Variants in MAPK10 observed in about 807,000 individuals in gnomAD.
The protein encoded by MAPK10 is JNK3 alpha protein kinase.
MAPK10 carries 25 observed loss-of-function variants against 59.3 expected under a neutral mutation model. The ratio of observed to expected loss-of-function variants is 0.42; its 90% confidence interval spans 0.31 to 0.59. MAPK10 has a LOEUF of 0.59. Among genes scored for constraint, MAPK10 ranks in the 20% least tolerant of loss-of-function variants. The pLI is 0.15. For synonymous variants in MAPK10, 190 were observed against 200.5 expected (o/e 0.95, Z 0.44); for missense variants, 351 against 568.9 (o/e 0.62, Z 3.90).
At chr4:86,248,017 T>C (rs1274601026) in intron 2 of MAPK10, among the ~76,000 whole-genome samples, 1 of 152,212 alleles carries the variant, frequency 6.6e-6, no homozygotes, top group African/African-American at 2.4e-5. Flanking sequence ...TCAGCCAACA[T>C]GATCTCTGTA....
At chr4:86,098,846 TGC>T in intron 8 of MAPK10, 1 of 377,898 alleles carries the variant, frequency 2.6e-6, no homozygotes, top group South Asian at 4.8e-5. Context: ...CTCTCAGCAG[TGC>T]CACAAAGTGG....
intron 9 of MAPK10, among the ~76,000 whole-genome samples, chr4:86,096,279 T>A: frequency 6.6e-6 from 1 of 151,760 alleles, no homozygotes; most frequent in East Asian, 1.9e-4. Flanking sequence ...CAAACTAGGA[T>A]TAAAAAAGGT....
At chr4:86,436,716 G>A (rs1579214137) in intron 1 of MAPK10, among the ~76,000 whole-genome samples, 2 of 152,144 alleles carry the variant, frequency 1.3e-5, no homozygotes. Flanking sequence ...ATATAATATT[G>A]ACTGTTGTAT....
intron 9 of MAPK10, 124 bp downstream of exon 9, chr4:86,098,400 T>C: frequency 1.4e-6 from 2 of 1,414,008 alleles, no homozygotes; most frequent in Non-Finnish European, 1.9e-6. Context: ...ATCACTTTTT[T>C]ATTACAATAA....
chr4:86,588,954 A>G (rs1480785699), intron 1 of MAPK10, among the ~76,000 whole-genome samples: 1 of 152,112 alleles, frequency 6.6e-6, no homozygotes, highest in Non-Finnish European at 1.5e-5. Context: ...TAGATCCTAG[A>G]ACATACAGGA....
intron 1 of MAPK10, among the ~76,000 whole-genome samples, chr4:86,409,178 T>C (rs1026317417): frequency 3.3e-5 from 5 of 152,212 alleles, no homozygotes; most frequent in East Asian, 1.9e-4. Flanking sequence ...CCATGGCTTG[T>C]TTTTGTCAGA....
intron 1 of MAPK10, among the ~76,000 whole-genome samples, chr4:86,547,219 G>A (rs367785762): frequency 1.7e-4 from 26 of 152,324 alleles, no homozygotes; most frequent in Non-Finnish European, 3.1e-4. Context: ...CCACTTTGGC[G>A]GCACCTGAGG....
chr4:86,350,708 G>C (rs558274072), intron 2 of MAPK10, among the ~76,000 whole-genome samples: 1 of 152,234 alleles, frequency 6.6e-6, no homozygotes, highest in South Asian at 2.1e-4. Context: ...AGAGTATATT[G>C]AAAATTCTTT....
Position 86,419,765 on chromosome 4 carries a change from C to A in MAPK10, c.-122+33265G>T, listed in dbSNP as rs529724399. 7.2e-5 allele frequency among the ~76,000 whole-genome samples: 11 copies of A among 152,142 alleles called. No homozygotes were observed. The South Asian group carries it at 2.3e-3, about 32-fold the overall frequency. ...TTTCTGGTCTATTTTCTCTTATATT[C>A]CCTCCTAGGAATCTTTCTTATTCAG... On this transcript the variant is annotated intron_variant, in intron 1 of 13. Transcript: ENST00000361569.
intron 4 of MAPK10, among the ~76,000 whole-genome samples, chr4:86,135,867 C>A (rs1275363261): frequency 1.3e-5 from 2 of 152,078 alleles, no homozygotes; most frequent in Non-Finnish European, 2.9e-5. Flanking sequence ...AAAACCAAGG[C>A]TCGAGAACTA....
chr4:86,124,984 C>T (rs1340813709), intron 4 of MAPK10: 1 of 151,868 alleles, frequency 6.6e-6, no homozygotes. Context: ...GGGGGGAAAG[C>T]TCAGTGTCTG....
At chr4:86,218,497 A>T (rs1165262183) in intron 2 of MAPK10, among the ~76,000 whole-genome samples, 2 of 150,496 alleles carry the variant, frequency 1.3e-5, no homozygotes, top group African/African-American at 4.9e-5. Flanking sequence ...TCAACATTTT[A>T]AATTTTTGTA....
At chr4:86,572,400 G>A (rs1322733359) in intron 1 of MAPK10, among the ~76,000 whole-genome samples, 1 of 152,124 alleles carries the variant, frequency 6.6e-6, no homozygotes, top group Non-Finnish European at 1.5e-5. Flanking sequence ...CAGTATTTAT[G>A]TTTACTCAGA....
At chr4:86,141,658 T>C (rs1375578453) in intron 4 of MAPK10, among the ~76,000 whole-genome samples, 1 of 152,226 alleles carries the variant, frequency 6.6e-6, no homozygotes, top group Non-Finnish European at 1.5e-5. Context: ...GTAGAATTTA[T>C]TGATAGAGAA....
chr4:86,037,515 G>A (rs1195356402), intron 11 of MAPK10, among the ~76,000 whole-genome samples: 4 of 148,552 alleles, frequency 2.7e-5, no homozygotes, highest in Admixed American at 6.7e-5. Context: ...GCGAGACTCC[G>A]TCTAAAAAAA....
At chr4:86,304,165 G>A (rs1385077547) in intron 2 of MAPK10, among the ~76,000 whole-genome samples, 2 of 152,076 alleles carry the variant, frequency 1.3e-5, no homozygotes, top group African/African-American at 2.4e-5. Flanking sequence ...ATAAAGTCAC[G>A]GAAAGAAGTT....
chr4:86,206,152 G>A (rs1156450708), intron 2 of MAPK10, among the ~76,000 whole-genome samples: 3 of 151,598 alleles, frequency 2.0e-5, no homozygotes, highest in East Asian at 1.9e-4. Context: ...CCATTAACTC[G>A]TCATTTAGCA....
At chr4:86,499,508 G>A (rs540312416) in intron 1 of MAPK10, among the ~76,000 whole-genome samples, 6 of 152,246 alleles carry the variant, frequency 3.9e-5, no homozygotes, top group Admixed American at 2.6e-4. Context: ...TCCAGGTCAC[G>A]AAACACACTG....
chr4:86,586,586 A>T (rs1762667892), intron 1 of MAPK10, among the ~76,000 whole-genome samples: 1 of 152,252 alleles, frequency 6.6e-6, no homozygotes, highest in South Asian at 2.1e-4. Context: ...AATTTTAACT[A>T]TGACTTTCTA....
Sources: gnomAD v4.1 joint callset for allele counts (sites outside exome capture counted in the v4.1 genomes callset) on GRCh38, gnomAD v4.1.1 for gene constraint, MANE v1.5 for transcripts, NCBI Gene and HGNC (gene_info 2026-07-23, HGNC 2026-07-21) for gene names.